Variants in CHODL observed in about 807,000 individuals in gnomAD.
CHODL encodes chondrolectin.
In CHODL, 29 loss-of-function variants were observed where a neutral mutation model predicts 34.5. The observed-to-expected ratio is 0.84, with a 90% CI of 0.63 to 1.15. The LOEUF (loss-of-function observed/expected upper bound fraction) is 1.15, where lower values mean the gene tolerates loss of function less well. CHODL is among the 50% of genes most tolerant of loss of function. The pLI is 0.00. For missense variants in CHODL, 332 were observed against 332.5 expected, an observed-to-expected ratio of 1.00 and a Z score of 0.01; for synonymous variants, 125 against 116.1, an observed-to-expected ratio of 1.08 and a Z score of -0.49.
chr21:18,006,130 C>T (rs1259322418), intron 1 of CHODL, among the ~76,000 whole-genome samples: 1 of 152,162 alleles, frequency 6.6e-6, no homozygotes, highest in Non-Finnish European at 1.5e-5. Flanking sequence ...TCCTTGCCTT[C>T]CACCGTGATT....
intron 1 of CHODL, among the ~76,000 whole-genome samples, chr21:17,962,860 G>A (rs866599427): frequency 3.3e-5 from 5 of 151,914 alleles, no homozygotes; most frequent in Admixed American, 3.3e-4. Context: ...TCAGGAGATC[G>A]AGACCATCCT....
intron 2 of CHODL, among the ~76,000 whole-genome samples, chr21:18,176,597 T>A (rs1307749251): frequency 1.3e-5 from 2 of 152,170 alleles, no homozygotes; most frequent in East Asian, 3.8e-4. Context: ...TGAAGCTTGT[T>A]TATCTAATGC....
chr21:18,167,342 C>T (rs1356987828), intron 2 of CHODL, among the ~76,000 whole-genome samples: 1 of 137,324 alleles, frequency 7.3e-6, no homozygotes, highest in Admixed American at 8.1e-5. Flanking sequence ...CGGAGTCTTG[C>T]TCTGTCACCC....
At chr21:18,209,418 G>A (rs923230790) in intron 2 of CHODL, among the ~76,000 whole-genome samples, 2 of 152,130 alleles carry the variant, frequency 1.3e-5, no homozygotes, top group African/African-American at 4.8e-5. Context: ...CTCTCTTTGG[G>A]ACAGTGGGCT....
intron 5 of CHODL, 97 bp from the exon 6 acceptor site, chr21:18,265,857 T>C: frequency 3.2e-6 from 3 of 942,156 alleles, no homozygotes; most frequent in Non-Finnish European, 4.7e-6. Context: ...GGGGAGTCTT[T>C]CATAAATAAC....
At chr21:17,951,731 C>A (rs1161904147) in intron 1 of CHODL, among the ~76,000 whole-genome samples, 1 of 152,030 alleles carries the variant, frequency 6.6e-6, no homozygotes, top group Non-Finnish European at 1.5e-5. Flanking sequence ...TTAGCTTGGA[C>A]ATTGCAGAAG....
intron 1 of CHODL, among the ~76,000 whole-genome samples, chr21:17,929,718 G>A (rs751762182): frequency 2.6e-5 from 4 of 152,236 alleles, no homozygotes; most frequent in East Asian, 1.9e-4. Flanking sequence ...GAACTTGCCC[G>A]GAGATTGCGC....
chr21:18,047,587 A>C (rs2064459815), intron 2 of CHODL, among the ~76,000 whole-genome samples: 1 of 151,866 alleles, frequency 6.6e-6, no homozygotes, highest in Admixed American at 6.6e-5. Context: ...AGGGAGGAAC[A>C]CACCATTGGC....
At chr21:18,115,932 C>G (rs1356303561) in intron 2 of CHODL, among the ~76,000 whole-genome samples, 2 of 152,114 alleles carry the variant, frequency 1.3e-5, no homozygotes, top group Non-Finnish European at 2.9e-5. Context: ...ATCCAGTGGA[C>G]ACGTTCAGTG....
At chr21:18,259,356 C>T (rs1036710801) in intron 3 of CHODL, among the ~76,000 whole-genome samples, 42 of 151,650 alleles carry the variant, frequency 2.8e-4, no homozygotes, top group African/African-American at 9.9e-4. Flanking sequence ...CAATAAACTT[C>T]AACAATTTTA....
At chr21:18,089,788 AACAGGATAT>A (rs2065050259) in intron 2 of CHODL, among the ~76,000 whole-genome samples, 1 of 152,236 alleles carries the variant, frequency 6.6e-6, no homozygotes, top group South Asian at 2.1e-4. Context: ...TTCTACAGGA[AACAGGATAT>A]TTCAACACAC....
At chr21:17,921,845 G>C (rs1019776459) in intron 1 of CHODL, among the ~76,000 whole-genome samples, 1 of 152,128 alleles carries the variant, frequency 6.6e-6, no homozygotes, top group African/African-American at 2.4e-5. Flanking sequence ...TGCAGCATGT[G>C]GACAGCAGAT....
At chr21:18,060,805 A>G (rs2064654067) in intron 2 of CHODL, among the ~76,000 whole-genome samples, 1 of 151,960 alleles carries the variant, frequency 6.6e-6, no homozygotes, top group Non-Finnish European at 1.5e-5. Context: ...AAATGGAGTC[A>G]ACTTGTTTCT....
chr21:18,174,123 G>GTATATA (rs1159511070), intron 2 of CHODL, among the ~76,000 whole-genome samples: 266 of 21,418 alleles, frequency 0.012, 5 homozygotes, highest in African/African-American at 0.025. Context: ...ATATCTTGGT[G>GTATATA]TATATATATA....
intron 1 of CHODL, among the ~76,000 whole-genome samples, chr21:17,920,872 TA>T (rs1949847491): frequency 6.6e-6 from 1 of 152,128 alleles, no homozygotes; most frequent in African/African-American, 2.4e-5. Context: ...CCAAGGACAA[TA>T]AAAAGATGGA....
chr21:17,979,408 A>T (rs1265025319), intron 1 of CHODL, among the ~76,000 whole-genome samples: 1 of 152,160 alleles, frequency 6.6e-6, no homozygotes, highest in Non-Finnish European at 1.5e-5. Context: ...TAGGGTTTTT[A>T]AAAGCTTCCA....
intron 2 of CHODL, among the ~76,000 whole-genome samples, chr21:18,182,973 G>C (rs772404078): frequency 6.6e-6 from 1 of 152,066 alleles, no homozygotes; most frequent in Non-Finnish European, 1.5e-5. Flanking sequence ...TAATTCTGAG[G>C]TCATAAAGCC....
intron 2 of CHODL, among the ~76,000 whole-genome samples, chr21:18,102,326 G>A (rs2065225514): frequency 6.6e-6 from 1 of 152,306 alleles, no homozygotes; most frequent in South Asian, 2.1e-4. Flanking sequence ...CAGATCTGCT[G>A]TTCCCAGTAA....
chr21:18,192,003 G>A (rs1376022462), intron 2 of CHODL, among the ~76,000 whole-genome samples: 1 of 152,098 alleles, frequency 6.6e-6, no homozygotes, highest in Non-Finnish European at 1.5e-5. Flanking sequence ...TGTTTCCTTG[G>A]CTGCTTGGGT....
Sources: allele counts gnomAD v4.1 joint callset (sites outside exome capture counted in the v4.1 genomes callset), GRCh38; gene constraint gnomAD v4.1.1; transcripts MANE v1.5; gene names NCBI Gene and HGNC (gene_info 2026-07-23, HGNC 2026-07-21).